The following MCTP2 variants were observed in gnomAD, a reference collection of about 807,000 sequenced individuals.
The protein encoded by MCTP2 is multiple C2 and transmembrane domain-containing protein 2.
In MCTP2, 132 loss-of-function variants were observed where a neutral mutation model predicts 111.6. That is an observed-to-expected ratio of 1.18 (90% confidence interval 1.03 to 1.37). MCTP2 has a LOEUF of 1.37. Among genes scored for constraint, MCTP2 ranks in the 40% most tolerant of loss-of-function variants. MCTP2 has a pLI of 0.00. For synonymous variants in MCTP2, 395 were observed against 387.7 expected (o/e 1.02, Z -0.22); for missense variants, 1,183 against 1,067.9 (o/e 1.11, Z -1.50).
chr15:94,303,394 C>G (rs2075736067), intron 2 of MCTP2, among the ~76,000 whole-genome samples: 1 of 151,946 alleles, frequency 6.6e-6, no homozygotes, highest in African/African-American at 2.4e-5. Context: ...TATATTCTAG[C>G]CACACTGGCA....
chr15:94,476,635 GATA>G (rs2074378600), intron 21 of MCTP2, 58 bp from the exon 22 acceptor site: 8 of 859,642 alleles, frequency 9.3e-6, no homozygotes, highest in South Asian at 1.4e-5. Flanking sequence ...TAGATAGATA[GATA>G]GATAGATAGA....
At chr15:94,245,780 C>A (rs1274050610) in intron 1 of MCTP2, among the ~76,000 whole-genome samples, 1 of 149,596 alleles carries the variant, frequency 6.7e-6, no homozygotes, top group East Asian at 2.0e-4. Context: ...GAAGGTGAAA[C>A]CTAGTCAATG....
chr15:94,360,834 C>T (rs917067201), intron 10 of MCTP2, among the ~76,000 whole-genome samples: 23 of 146,946 alleles, frequency 1.6e-4, no homozygotes, highest in African/African-American at 5.6e-4. Context: ...TGTTCTTCCT[C>T]TTTATGAATT....
At chr15:94,412,387 G>A (rs929079116) in intron 17 of MCTP2, among the ~76,000 whole-genome samples, 12 of 151,814 alleles carry the variant, frequency 7.9e-5, no homozygotes, top group East Asian at 1.9e-4. Context: ...GTAACATGCC[G>A]TAGGGAGATG....
intron 8 of MCTP2, among the ~76,000 whole-genome samples, chr15:94,351,252 C>T (rs2078287397): frequency 6.6e-6 from 1 of 152,042 alleles, no homozygotes; most frequent in African/African-American, 2.4e-5. Flanking sequence ...GTCCAGTATC[C>T]TCTTCAGATG....
At chr15:94,250,239 G>C (rs990552965) in intron 1 of MCTP2, among the ~76,000 whole-genome samples, 14 of 152,118 alleles carry the variant, frequency 9.2e-5, no homozygotes, top group Non-Finnish European at 1.6e-4. Context: ...TCGTATTTCT[G>C]TTCCTGGTGT....
intron 20 of MCTP2, among the ~76,000 whole-genome samples, chr15:94,468,476 C>G (rs2073606373): frequency 6.7e-6 from 1 of 149,990 alleles, no homozygotes; most frequent in South Asian, 2.1e-4. Flanking sequence ...AATAATAGCC[C>G]CAGGCCAAAA....
chr15:94,324,909 G>T (rs1292624745), intron 4 of MCTP2, among the ~76,000 whole-genome samples: 1 of 151,988 alleles, frequency 6.6e-6, no homozygotes, highest in Non-Finnish European at 1.5e-5. Context: ...TTGCTATTTA[G>T]CAGGCTAATT....
Position 94,356,246 on chromosome 15 carries a change from G to C in MCTP2, c.1115G>C (p.Ser372Thr). The C allele has an allele frequency of 1.2e-6, 2 of 1,613,026 alleles. No individual in the cohort carries two copies. Among genetic ancestry groups the C allele is most frequent in the Non-Finnish European group, 1.7e-6 (2 of 1,179,438 alleles). ...GAAGGGAAGAATGTCTCAGGAGGAAGCATGACAGAGATGTTTGTCCAGTTA... is the reference window on the plus strand; with the variant it reads ...GAAGGGAAGAATGTCTCAGGAGGAACCATGACAGAGATGTTTGTCCAGTTA... ...LLEGKNVSGG[S>T]MTEMFVQLKL... Residue 372 changes from serine (S) to threonine (T), a missense_variant, in exon 9 of 23, where the codon AGC (serine) becomes ACC (threonine). Ser to Thr is a moderately conservative substitution (Grantham distance 58, BLOSUM62 1). Transcript: ENST00000357742.
At chr15:94,473,323 T>C (rs1265261131) in intron 21 of MCTP2, among the ~76,000 whole-genome samples, 3 of 152,210 alleles carry the variant, frequency 2.0e-5, no homozygotes, top group Non-Finnish European at 4.4e-5. Flanking sequence ...AATATTTTTA[T>C]GAATGAATGA....
Position 94,410,468 on chromosome 15 carries a change from A to G in MCTP2, c.2085+8449A>G, listed in dbSNP as rs138766973. 9.9e-4 allele frequency among the ~76,000 whole-genome samples: 151 copies of G among 152,248 alleles called. 1 individual carries two copies. The highest frequency in any genetic ancestry group is 3.5e-3 in the African/African-American group (147 of 41,538). On this transcript the variant is annotated intron_variant, in intron 17 of 22. Transcript: ENST00000357742. ...TGTCAAAAATAGATGGCTTATGCCT[A>G]TAGTTCCAGCACTTTCAGAGACAGA...
In MCTP2 at chr15:94,427,140, C is replaced by T. The variant is rs118028763; in HGVS notation, c.2086-13036C>T. 1.3e-3 allele frequency among the ~76,000 whole-genome samples: 204 copies of T among 152,102 alleles called. 1 individual carries two copies. The highest frequency in any genetic ancestry group is 2.3e-3 in the Non-Finnish European group (157 of 67,956). The stretch of plus-strand genomic sequence containing the variant: ...TGACTGTCTGCTATTCTTTTTTTAT[C>T]CTCTATGTTTTTGTCTTTTAAGTCC... On this transcript the variant is annotated intron_variant, in intron 17 of 22. Transcript: ENST00000357742.
chr15:94,261,997 A>C (rs977052907), intron 1 of MCTP2, among the ~76,000 whole-genome samples: 21 of 152,328 alleles, frequency 1.4e-4, no homozygotes, highest in Admixed American at 3.3e-4. Flanking sequence ...CTAATTAGAC[A>C]AATATTTAAA....
intron 4 of MCTP2, among the ~76,000 whole-genome samples, chr15:94,317,878 GTTTTT>G (rs1034174583): frequency 6.6e-6 from 1 of 151,788 alleles, no homozygotes; most frequent in East Asian, 1.9e-4. Context: ...TTGGTAAATA[GTTTTT>G]TTTAATCAAA....
chr15:94,261,950 T>G (rs995660854), intron 1 of MCTP2, among the ~76,000 whole-genome samples: 1 of 152,172 alleles, frequency 6.6e-6, no homozygotes, highest in Non-Finnish European at 1.5e-5. Flanking sequence ...ATTTCAGGAC[T>G]TTGAAAAACA....
At chr15:94,388,732 G>T (rs1295326480) in intron 14 of MCTP2, among the ~76,000 whole-genome samples, 1 of 152,118 alleles carries the variant, frequency 6.6e-6, no homozygotes, top group African/African-American at 2.4e-5. Flanking sequence ...GTTCTCTAAG[G>T]ACTGGATGAG....
intron 1 of MCTP2, chr15:94,273,892 GC>G (rs2074047383): frequency 4.2e-6 from 1 of 237,036 alleles, no homozygotes. Context: ...CTCTCACCAG[GC>G]CAAAACTGGA....
At chr15:94,466,829 GATATTAGT>G (rs957861345) in intron 20 of MCTP2, among the ~76,000 whole-genome samples, 2 of 151,630 alleles carry the variant, frequency 1.3e-5, no homozygotes, top group African/African-American at 4.8e-5. Context: ...TTTTTCTGTT[GATATTAGT>G]ATTTTACTTT....
chr15:94,361,983 T>C (rs929578113), intron 10 of MCTP2, among the ~76,000 whole-genome samples: 1 of 152,138 alleles, frequency 6.6e-6, no homozygotes, highest in Non-Finnish European at 1.5e-5. Flanking sequence ...CATGTGGAAC[T>C]TGCTGACTTC....
Sources: allele counts gnomAD v4.1 joint callset (sites outside exome capture counted in the v4.1 genomes callset), GRCh38; gene constraint gnomAD v4.1.1; transcripts MANE v1.5; gene names NCBI Gene and HGNC (gene_info 2026-07-23, HGNC 2026-07-21).